Variants in EHD3 observed in about 807,000 individuals in gnomAD.
EHD3 encodes EH domain containing 3.
Under a neutral mutation model 43.0 loss-of-function variants are expected in EHD3, and 17 were observed. The ratio of observed to expected loss-of-function variants is 0.40; its 90% CI spans 0.27 to 0.59. EHD3 has a LOEUF of 0.59. Among genes scored for constraint, EHD3 ranks in the 20% least tolerant of loss-of-function variants. The probability of loss-of-function intolerance (pLI) is 0.49; values close to 1 mark genes in which losing one functional copy is unlikely to be tolerated. For synonymous variants in EHD3, 313 were observed against 289.5 expected (o/e 1.08, Z -0.82); for missense variants, 594 against 705.6 (o/e 0.84, Z 1.79).
intron 1 of EHD3, among the ~76,000 whole-genome samples, chr2:31,239,018 T>A (rs1319596875): frequency 6.6e-6 from 1 of 151,724 alleles, no homozygotes; most frequent in East Asian, 1.9e-4. Context: ...GGGATGGGAG[T>A]CCATCGTGAG....
rs190841689 is a variant in EHD3 at position 31,266,126 on chromosome 2, G to T, written c.1081-51G>T. On this transcript the variant is annotated intron_variant, in intron 5 of 5. Coordinates refer to ENST00000322054, the MANE Select transcript of EHD3 (RefSeq NM_014600.3). This position sits in a 1 kb window ranked among gnomAD's most constrained non-coding sequence, Gnocchi z 5.1. ...CATAGGAGGCACGTGATAAATGGAG[G>T]GCTCTCCTTTCATCGTATCCTATCT... The T allele has an allele frequency of 6.5e-7, 1 of 1,547,044 alleles. No homozygotes were observed. Among genetic ancestry groups the T allele is most frequent in the Non-Finnish European group, 8.7e-7 (1 of 1,143,544 alleles).
Position 31,260,030 on chromosome 2 carries a change from G to GTC in EHD3, c.503-476_503-475dup. Among the ~76,000 whole-genome samples the GTC allele has an allele frequency of 6.6e-6, 1 of 152,206 alleles. No homozygotes were observed. The highest frequency in any genetic ancestry group is 1.9e-4 in the East Asian group (1 of 5,172). On this transcript the variant is annotated intron_variant, in intron 3 of 5. Transcript: ENST00000322054. The surrounding 1 kb of genome is among the most constrained non-coding windows in gnomAD (Gnocchi z 4.6). ...CAGCCTGGCTAACATGGTTAAACCT[G>GTC]TCTCTACTAAAAACACAAAAATTAG... is the stretch of plus-strand genomic sequence containing the variant.
chr2:31,240,359 G>A (rs1053695704), intron 1 of EHD3, among the ~76,000 whole-genome samples: 2 of 152,126 alleles, frequency 1.3e-5, no homozygotes, highest in Admixed American at 6.5e-5. Context: ...AATCTGTATC[G>A]CTTCCCATAA....
Position 31,268,789 on chromosome 2 carries a change from G to A in EHD3, c.*2085G>A, listed in dbSNP as rs145733213. Reference sequence around the variant, plus strand: ...CTCCACACCTTTCTTCAAGCTGAAGGAGAAATGGGAAGGAAATAGCAGAGG... The same window carrying A: ...CTCCACACCTTTCTTCAAGCTGAAGAAGAAATGGGAAGGAAATAGCAGAGG... On this transcript the variant is annotated 3_prime_UTR_variant, in exon 6 of 6. Coordinates refer to ENST00000322054, the MANE Select transcript of EHD3 (RefSeq NM_014600.3). The A allele has an allele frequency of 2.6e-5, 4 of 152,380 alleles. No homozygotes were observed. Among genetic ancestry groups the A allele is most frequent in the African/African-American group, 9.6e-5 (4 of 41,590 alleles). 9.4% of individuals were successfully genotyped at this position (152,380 alleles called of 1,614,324 possible). A position where few individuals can be genotyped will look rare whatever the true frequency, so the allele number is the denominator to read the frequency against.
At chr2:31,244,478 C>G (rs751375231) in intron 2 of EHD3, 28 bp downstream of exon 2, 2 of 1,604,930 alleles carry the variant, frequency 1.2e-6, no homozygotes, top group Non-Finnish European at 1.7e-6. Context: ...ACAACACTTT[C>G]AGGTGCTCTC....
chr2:31,261,580 A>G lies in EHD3; in HGVS notation c.947A>G (p.Lys316Arg). 6.2e-7 allele frequency: 1 copy of G among 1,614,220 alleles called. No individual in the cohort carries two copies. Among genetic ancestry groups the G allele is most frequent in the South Asian group, 1.1e-5 (1 of 91,084 alleles). Residue 316 changes from lysine (K) to arginine (R), a missense_variant, in exon 5 of 6, where the codon AAG (lysine) becomes AGG (arginine). Around this residue, in one of 3 missense-constraint regions of EHD3, gnomAD observed 322 missense variants for 348.0 expected, o/e 0.93. Coordinates refer to ENST00000322054, the MANE Select transcript of EHD3 (RefSeq NM_014600.3). Reference protein sequence around the residue: ...VHAYIISSLKKEMPSVFGKDN... With the variant: ...VHAYIISSLKREMPSVFGKDN... ...GCCTACATCATCAGCTCTCTGAAGA[A>G]GGAGATGCCCTCGGTGTTCGGGAAG...
At chr2:31,254,549 C>T (rs920144681) in intron 3 of EHD3, among the ~76,000 whole-genome samples, 1 of 152,252 alleles carries the variant, frequency 6.6e-6, no homozygotes, top group African/African-American at 2.4e-5. Context: ...CGTTGTCAGC[C>T]AAACTCTTCC....
intron 1 of EHD3, among the ~76,000 whole-genome samples, chr2:31,235,622 A>C (rs1683309913): frequency 6.6e-6 from 1 of 152,244 alleles, no homozygotes; most frequent in African/African-American, 2.4e-5. Flanking sequence ...AAGAGTGGGC[A>C]GCAGACCTGG....
At chr2:31,257,546 C>G (rs757357802) in intron 3 of EHD3, among the ~76,000 whole-genome samples, 5 of 152,292 alleles carry the variant, frequency 3.3e-5, no homozygotes, top group Non-Finnish European at 7.3e-5. Flanking sequence ...TTGACTCTCT[C>G]CTCTCTGAAC....
At chr2:31,238,056 G>T (rs1572460435) in intron 1 of EHD3, among the ~76,000 whole-genome samples, 1 of 152,172 alleles carries the variant, frequency 6.6e-6, no homozygotes, top group South Asian at 2.1e-4. Flanking sequence ...CTAGGCCAAA[G>T]GTTGGGCAGG....
In EHD3 at chr2:31,235,677, C is replaced by T. The variant is rs551146505; in HGVS notation, c.227+829C>T. Among the ~76,000 whole-genome samples the T allele has an allele frequency of 1.2e-4, 18 of 152,260 alleles. No homozygotes were observed. The South Asian group carries it at 3.5e-3, about 30-fold the overall frequency. On this transcript the variant is annotated intron_variant, in intron 1 of 5. Transcript: ENST00000322054. ...ATGTGAGGAGATGCTTGGCTAAACG[C>T]CTGTAACTCTGAGAATGAGTCATCC...
chr2:31,259,352 G>A (rs1039736658), intron 3 of EHD3, among the ~76,000 whole-genome samples: 13 of 152,172 alleles, frequency 8.5e-5, no homozygotes, highest in Non-Finnish European at 4.4e-5. Flanking sequence ...CTTATCTCTT[G>A]TCTTCCTATT....
At chr2:31,265,470 G>C (rs967994532) in intron 5 of EHD3, among the ~76,000 whole-genome samples, 3 of 152,192 alleles carry the variant, frequency 2.0e-5, no homozygotes, top group Admixed American at 2.0e-4. Context: ...CGTCATACGT[G>C]TGGTCCCTCA....
intron 1 of EHD3, among the ~76,000 whole-genome samples, chr2:31,243,440 C>T (rs1295616405): frequency 8.0e-5 from 7 of 87,676 alleles, no homozygotes; most frequent in African/African-American, 2.6e-4. Flanking sequence ...TTCTTTCTTT[C>T]TTTCTTTCTT....
At position 31,266,699 on chromosome 2, in the gene EHD3, G is replaced by T. The variant is rs767841259; in HGVS notation, c.1603G>T (p.Glu535Ter). The T allele has an allele frequency of 6.3e-7, 1 of 1,598,956 alleles. No homozygotes were observed. The highest frequency in any genetic ancestry group is 8.5e-7 in the Non-Finnish European group (1 of 1,171,868). ...GCCCCCGTCCAAGAGGAAAGTTGCC[G>T]AGTGATGGGGTGGGGGGACATTCAG... ...LLPPSKRKVAE is the reference protein window; with the variant it reads ...LLPPSKRKVA The change falls in exon 6 of 6, where the codon GAG becomes TAG. Residue 535 changes from glutamate (E) to a stop codon, truncating the protein, a stop_gained. Transcript: ENST00000322054. LOFTEE classifies it high-confidence loss of function. The surrounding 1 kb of genome is among the most constrained non-coding windows in gnomAD (Gnocchi z 5.1).
chr2:31,255,467 T>C (rs1683731661), intron 3 of EHD3, among the ~76,000 whole-genome samples: 1 of 151,756 alleles, frequency 6.6e-6, no homozygotes, highest in Non-Finnish European at 1.5e-5. Context: ...CAGTCATTTG[T>C]TATCCCTATT....
chr2:31,235,493 A>C lies in EHD3; in HGVS notation c.227+645A>C. Among the ~76,000 whole-genome samples the C allele has an allele frequency of 1.3e-5, 2 of 152,148 alleles. 1 individual carries two copies. Among genetic ancestry groups the C allele is most frequent in the Non-Finnish European group, 2.9e-5 (2 of 68,030 alleles). On this transcript the variant is annotated intron_variant, in intron 1 of 5. Transcript: ENST00000322054. ...CTTATTTGATCTTAATGGCTTAATA[A>C]TAATATTAAAGACGCTTAGAGATGG...
chr2:31,257,151 C>T (rs992434043), intron 3 of EHD3, among the ~76,000 whole-genome samples: 1 of 152,180 alleles, frequency 6.6e-6, no homozygotes, highest in Non-Finnish European at 1.5e-5. Flanking sequence ...GTGGAGGGTC[C>T]CTACTGCCCT....
At chr2:31,236,242 T>C (rs1683321799) in intron 1 of EHD3, among the ~76,000 whole-genome samples, 1 of 152,248 alleles carries the variant, frequency 6.6e-6, no homozygotes, top group African/African-American at 2.4e-5. Flanking sequence ...AGCCTAGGGC[T>C]CAGCAGCTTT....
Sources: gnomAD v4.1 joint callset for allele counts (sites outside exome capture counted in the v4.1 genomes callset) on GRCh38, gnomAD v4.1.1 for gene constraint, gnomAD v4.1.1 regional missense constraint, Gnocchi (gnomAD v3.1) non-coding constraint, MANE v1.5 for transcripts, NCBI Gene and HGNC (gene_info 2026-07-23, HGNC 2026-07-21) for gene names.